The following CAMTA1 variants were observed in gnomAD, a reference collection of about 807,000 sequenced individuals.
CAMTA1 encodes calmodulin binding transcription activator 1, also known as calmodulin-binding transcription activator 1.
In CAMTA1, 27 loss-of-function variants were observed where a neutral mutation model predicts 170.9. The observed-to-expected ratio is 0.16, with a 90% confidence interval of 0.12 to 0.22. The LOEUF is 0.22. CAMTA1 is among the 10% of genes least tolerant of loss of function. CAMTA1 has a pLI of 1.00. For synonymous variants in CAMTA1, 833 were observed against 891.5 expected (o/e 0.93, Z 1.17); for missense variants, 1,619 against 2,217.2 (o/e 0.73, Z 5.42).
In CAMTA1 at chr1:7,428,077, A is replaced by C. The variant is rs534520747; in HGVS notation, c.439-39753A>C. On this transcript the variant is annotated intron_variant, in intron 5 of 22. Coordinates refer to ENST00000303635, the MANE Select transcript of CAMTA1 (RefSeq NM_015215.4). Reference sequence around the variant, plus strand: ...GGGAAACACTGTGTCTCTGGGAAGCACTGTGTGTCTGAAAGGTTCTGGCCA... The same window carrying C: ...GGGAAACACTGTGTCTCTGGGAAGCCCTGTGTGTCTGAAAGGTTCTGGCCA... Among the ~76,000 whole-genome samples the C allele has an allele frequency of 2.6e-5, 4 of 152,230 alleles. No individual in the cohort carries two copies. The South Asian group carries it at 6.2e-4, about 24-fold the overall frequency.
Position 7,633,719 on chromosome 1 carries a change from T to C in CAMTA1, c.511-6681T>C, listed in dbSNP as rs549775582. 6.6e-6 allele frequency among the ~76,000 whole-genome samples: 1 copy of C among 152,294 alleles called. No individual in the cohort carries two copies. Among genetic ancestry groups the C allele is most frequent in the South Asian group, 2.1e-4 (1 of 4,822 alleles). On this transcript the variant is annotated intron_variant, in intron 6 of 22. Coordinates refer to ENST00000303635, the MANE Select transcript of CAMTA1 (RefSeq NM_015215.4). This position sits in a 1 kb window ranked among gnomAD's most constrained non-coding sequence, Gnocchi z 4.1. Reference sequence around the variant, plus strand: ...AGTAAGTAGGATGGAGCCCCTGCCATGTGGCTGCCCCGCAGACAGAGTCCC... The same window carrying C: ...AGTAAGTAGGATGGAGCCCCTGCCACGTGGCTGCCCCGCAGACAGAGTCCC...
chr1:7,178,938 C>T (rs964988362), intron 4 of CAMTA1, among the ~76,000 whole-genome samples: 3 of 152,196 alleles, frequency 2.0e-5, no homozygotes, highest in African/African-American at 4.8e-5. Flanking sequence ...TGGCAGTGGC[C>T]GTGGAGGAGC....
chr1:7,524,102 T>C (rs1161379710), intron 6 of CAMTA1, among the ~76,000 whole-genome samples: 1 of 151,516 alleles, frequency 6.6e-6, no homozygotes, highest in Non-Finnish European at 1.5e-5. Context: ...CTTGGGAGGC[T>C]GAGGCAGAAG....
intron 6 of CAMTA1, among the ~76,000 whole-genome samples, chr1:7,525,439 C>A (rs2094420552): frequency 6.6e-6 from 1 of 152,004 alleles, no homozygotes. Context: ...TATTGATGTT[C>A]TTGTGTGTGT....
intron 6 of CAMTA1, among the ~76,000 whole-genome samples, chr1:7,563,001 G>A (rs2094980255): frequency 6.6e-6 from 1 of 152,148 alleles, no homozygotes; most frequent in African/African-American, 2.4e-5. Flanking sequence ...TGCTTTCTGG[G>A]TACACTGCTT....
At chr1:6,797,543 G>A (rs1007339759) in intron 1 of CAMTA1, among the ~76,000 whole-genome samples, 4 of 151,544 alleles carry the variant, frequency 2.6e-5, no homozygotes, top group Admixed American at 6.6e-5. Flanking sequence ...GCACCACCAC[G>A]CCTAGCTAAT....
At chr1:7,000,708 C>G (rs1039714233) in intron 3 of CAMTA1, among the ~76,000 whole-genome samples, 6 of 152,206 alleles carry the variant, frequency 3.9e-5, no homozygotes, top group African/African-American at 1.4e-4. Context: ...GTTCATTCTT[C>G]CACATTCCCA....
rs1219173177 is a variant in CAMTA1, at chr1:7,565,227, C to A, written c.511-75173C>A. 6.6e-6 allele frequency among the ~76,000 whole-genome samples: 1 copy of A among 152,094 alleles called. No homozygotes were observed. Among genetic ancestry groups the A allele is most frequent in the Non-Finnish European group, 1.5e-5 (1 of 68,000 alleles). On this transcript the variant is annotated intron_variant, in intron 6 of 22. Transcript: ENST00000303635. The surrounding 1 kb of genome is among the most constrained non-coding windows in gnomAD (Gnocchi z 4.5). ...TCTCCATCTGTCCCTCCTCATTCCC[C>A]GGAGAAGCACCCAGAGAGATGTAGC...
At chr1:7,060,849 G>A (rs2101744757) in intron 3 of CAMTA1, among the ~76,000 whole-genome samples, 1 of 152,336 alleles carries the variant, frequency 6.6e-6, no homozygotes, top group South Asian at 2.1e-4. Flanking sequence ...GCGTTGCCAG[G>A]AAAGCGGAGT....
intron 4 of CAMTA1, among the ~76,000 whole-genome samples, chr1:7,116,525 C>T (rs576070177): frequency 3.3e-5 from 5 of 152,286 alleles, no homozygotes; most frequent in African/African-American, 1.2e-4. Context: ...TAGAATCCTT[C>T]TAGAGTTTTA....
chr1:7,508,534 C>T (rs1334456553), intron 6 of CAMTA1, among the ~76,000 whole-genome samples: 1 of 152,212 alleles, frequency 6.6e-6, no homozygotes, highest in Non-Finnish European at 1.5e-5. Context: ...GGTATGACCT[C>T]CCTGCTCACC....
chr1:7,644,188 T>C (rs1357000353), intron 7 of CAMTA1, among the ~76,000 whole-genome samples: 2 of 152,188 alleles, frequency 1.3e-5, no homozygotes, highest in Admixed American at 6.5e-5. Context: ...CGTGACCTTA[T>C]GCCCTGGGAA....
At chr1:7,329,853 T>C (rs1393502664) in intron 5 of CAMTA1, among the ~76,000 whole-genome samples, 1 of 151,178 alleles carries the variant, frequency 6.6e-6, no homozygotes, top group Non-Finnish European at 1.5e-5. Flanking sequence ...ACAAAGAGGG[T>C]TTTTCCTTTT....
intron 3 of CAMTA1, chr1:6,852,927 C>T (rs1337300819): frequency 6.6e-6 from 1 of 152,192 alleles, no homozygotes; most frequent in Non-Finnish European, 1.5e-5. Context: ...TAACCAGTCG[C>T]CATTCTCCCG....
chr1:7,012,805 G>C (rs1699999365), intron 3 of CAMTA1, among the ~76,000 whole-genome samples: 1 of 152,108 alleles, frequency 6.6e-6, no homozygotes, highest in South Asian at 2.1e-4. Context: ...TCTGCCACTT[G>C]TGTGCAGACT....
chr1:7,742,132 CAT>C (rs34856922), intron 16 of CAMTA1, among the ~76,000 whole-genome samples: 7 of 150,940 alleles, frequency 4.6e-5, no homozygotes, highest in African/African-American at 1.7e-4. Context: ...TGTATATATA[CAT>C]ATATATATAC....
At chr1:7,350,936 A>T (rs2084620836) in intron 5 of CAMTA1, among the ~76,000 whole-genome samples, 1 of 152,214 alleles carries the variant, frequency 6.6e-6, no homozygotes, top group Non-Finnish European at 1.5e-5. Context: ...TGTGTTCCTT[A>T]CACGTGGCCC....
At chr1:7,218,726 G>A (rs1224655119) in intron 4 of CAMTA1, among the ~76,000 whole-genome samples, 1 of 151,984 alleles carries the variant, frequency 6.6e-6, no homozygotes, top group Non-Finnish European at 1.5e-5. Context: ...CTCCATGCTC[G>A]ACGTCTGCCT....
At chr1:7,545,557 C>T (rs1036675247) in intron 6 of CAMTA1, among the ~76,000 whole-genome samples, 4 of 152,156 alleles carry the variant, frequency 2.6e-5, no homozygotes, top group African/African-American at 9.7e-5. Context: ...GGCTGCCCCT[C>T]AGTTTGGTTT....
Sources: gnomAD v4.1 joint callset for allele counts (sites outside exome capture counted in the v4.1 genomes callset) on GRCh38, gnomAD v4.1.1 for gene constraint, Gnocchi (gnomAD v3.1) non-coding constraint, MANE v1.5 for transcripts, NCBI Gene and HGNC (gene_info 2026-07-23, HGNC 2026-07-21) for gene names.